The following NXPE1 variants were observed in gnomAD, a reference collection of about 807,000 sequenced individuals.
The protein encoded by NXPE1 is neurexophilin and PC-esterase domain family member 1, also known as NXPE family member 1.
NXPE1 carries 31 observed loss-of-function variants against 33.3 expected under a neutral mutation model. That is an observed-to-expected ratio of 0.93 (90% CI 0.70 to 1.26). The LOEUF (loss-of-function observed/expected upper bound fraction) is 1.26, where lower values mean the gene tolerates loss of function less well. Among genes scored for constraint, NXPE1 ranks in the 50% most tolerant of loss-of-function variants. The pLI, the probability that NXPE1 is intolerant of heterozygous loss-of-function variation, is 0.00. For missense variants in NXPE1, 661 were observed against 655.6 expected, an observed-to-expected ratio of 1.01 and a Z score of -0.09; for synonymous variants, 229 against 231.4, an observed-to-expected ratio of 0.99 and a Z score of 0.09.
Position 114,530,245 on chromosome 11 carries a change from G to GAGCCTCATGA in NXPE1, c.762_763insTCATGAGGCT (p.Leu255SerfsTer2). 3.1e-6 allele frequency: 5 copies of GAGCCTCATGA among 1,614,118 alleles called. No homozygotes were observed. The highest frequency in any genetic ancestry group is 4.2e-6 in the Non-Finnish European group (5 of 1,179,966). On this transcript the variant is annotated stop_gained and frameshift_variant, in exon 6 of 9. Coordinates refer to ENST00000534921, the Ensembl canonical transcript of NXPE1. LOFTEE classifies it high-confidence loss of function. The stretch of plus-strand genomic sequence containing the variant: ...CTATTCCGGGTGGTCATGTAGGTCA[G>GAGCCTCATGA]AGCCTCACAGGGCATGTGTTGAGGC...
At chr11:114,547,049 C>T (rs904671775) in intron 5 of NXPE1, among the ~76,000 whole-genome samples, 10 of 152,198 alleles carry the variant, frequency 6.6e-5, no homozygotes, top group African/African-American at 2.4e-4. Flanking sequence ...AGATTCTCCC[C>T]ACTCAAGGAG....
At chr11:114,529,948 A>G (rs1427287406) in intron 6 of NXPE1, 2 of 499,524 alleles carry the variant, frequency 4.0e-6, no homozygotes, top group East Asian at 6.3e-5. Flanking sequence ...ACATCTGTGA[A>G]CACATAGAAG....
At chr11:114,554,686 G>T (rs906340726) in intron 1 of NXPE1, among the ~76,000 whole-genome samples, 1 of 152,172 alleles carries the variant, frequency 6.6e-6, no homozygotes. Context: ...TTTATTAACA[G>T]TACTGTGATA....
exon 9 of NXPE1, chr11:114,522,197 T>G (rs1947230594): frequency 1.2e-6 from 2 of 1,614,104 alleles, no homozygotes; most frequent in East Asian, 2.2e-5. Context: ...AATAATCACT[T>G]TAGTGGCTGG....
At chr11:114,532,535 G>C (rs1947622209) in intron 5 of NXPE1, among the ~76,000 whole-genome samples, 1 of 152,068 alleles carries the variant, frequency 6.6e-6, no homozygotes, top group Non-Finnish European at 1.5e-5. Flanking sequence ...CACAGGCTGA[G>C]ATGCTTTTAT....
chr11:114,522,235 C>T (rs771156172), exon 9 of NXPE1: 6 of 1,614,070 alleles, frequency 3.7e-6, no homozygotes, highest in Non-Finnish European at 5.1e-6. Flanking sequence ...TTTCAATAGC[C>T]TTTTGAACAC....
chr11:114,530,554 C>G, exon 6 of NXPE1: 1 of 1,614,008 alleles, frequency 6.2e-7, no homozygotes, highest in Non-Finnish European at 8.5e-7. Context: ...TTTCCTGAAG[C>G]ACCTGCCGTC....
At chr11:114,529,061 G>A (rs1310381977) in intron 6 of NXPE1, 1 of 386,760 alleles carries the variant, frequency 2.6e-6, no homozygotes, top group African/African-American at 2.0e-5. Flanking sequence ...TGTCATGTTT[G>A]GTGCCTACTC....
chr11:114,552,774 G>A (rs1948541315), intron 2 of NXPE1, 78 bp downstream of exon 2: 9 of 526,482 alleles, frequency 1.7e-5, no homozygotes, highest in Non-Finnish European at 2.2e-5. Context: ...GATTGCTATT[G>A]CACTTTTATA....
In NXPE1 at chr11:114,522,213, T is replaced by A; in HGVS notation, c.1399A>T (p.Arg467Ter). ...ATAATCACTTTAGTGGCTGGGCTTC[T>A]TAGGAACAGTCTTTCAATAGCCTTT... The change falls in exon 9 of 9, where the codon AGA becomes TGA. Residue 467 changes from arginine to a stop codon, truncating the protein, a stop_gained. Transcript: ENST00000534921. LOFTEE classifies it low-confidence loss of function (END_TRUNC). 6.2e-7 allele frequency: 1 copy of A among 1,614,094 alleles called. No homozygotes were observed. Among genetic ancestry groups the A allele is most frequent in the Non-Finnish European group, 8.5e-7 (1 of 1,179,984 alleles).
exon 9 of NXPE1, chr11:114,521,779 C>A: frequency 1.8e-6 from 1 of 543,526 alleles, no homozygotes; most frequent in South Asian, 3.1e-5. Flanking sequence ...TATAGTCATT[C>A]TTCATGAATG....
intron 5 of NXPE1, among the ~76,000 whole-genome samples, chr11:114,543,261 CAGG>C (rs1423232828): frequency 6.6e-6 from 1 of 152,082 alleles, no homozygotes; most frequent in African/African-American, 2.4e-5. Flanking sequence ...GAGGCTGAGG[CAGG>C]AGAATTGCTT....
chr11:114,526,334 A>G lies in NXPE1; in HGVS notation c.895+1506T>C, dbSNP rs181096324. 1.7e-3 allele frequency among the ~76,000 whole-genome samples: 259 copies of G among 152,352 alleles called. 4 individuals are homozygous for G. Among genetic ancestry groups the G allele is most frequent in the South Asian group, 7.0e-3 (34 of 4,826 alleles). ...ATTATAGCAGCAATAAGAAAATGAT[A>G]CATAGACAACTGACATTCTTTTAAA... On this transcript the variant is annotated intron_variant, in intron 7 of 8. Coordinates refer to ENST00000534921, the Ensembl canonical transcript of NXPE1.
chr11:114,554,403 A>G, intron 1 of NXPE1: 5 of 984,958 alleles, frequency 5.1e-6, no homozygotes, highest in Non-Finnish European at 6.0e-6. Context: ...ACAATATTCC[A>G]GAACAGGGGG....
rs190373342 is a variant in NXPE1 at position 114,539,339 on chromosome 11, C to T, written c.100-8431G>A. 3.0e-3 allele frequency among the ~76,000 whole-genome samples: 463 copies of T among 151,898 alleles called. 1 individual carries two copies. The highest frequency in any genetic ancestry group is 0.01 in the African/African-American group (429 of 41,384). On this transcript the variant is annotated intron_variant, in intron 5 of 8. Coordinates refer to ENST00000534921, the Ensembl canonical transcript of NXPE1. ...AGGAGATATACCTATTGCTAAATGA[C>T]GAGTTAATGGGTGCAGCACACCAAC...
intron 1 of NXPE1, chr11:114,554,002 A>C: frequency 1.0e-6 from 1 of 985,396 alleles, no homozygotes; most frequent in Non-Finnish European, 1.2e-6. Flanking sequence ...GTCCAATTGC[A>C]ATGTTTTTTC....
At chr11:114,523,834 G>C (rs554790192) in intron 7 of NXPE1, among the ~76,000 whole-genome samples, 1 of 152,164 alleles carries the variant, frequency 6.6e-6, no homozygotes, top group Non-Finnish European at 1.5e-5. Flanking sequence ...CCAATGCCTT[G>C]TATTTTAGGA....
Position 114,543,906 on chromosome 11 carries a change from T to C in NXPE1, c.99+7197A>G, listed in dbSNP as rs929164888. Among the ~76,000 whole-genome samples the C allele has an allele frequency of 3.9e-5, 6 of 152,310 alleles. No homozygotes were observed. The East Asian group carries it at 1.2e-3, about 29-fold the overall frequency. On this transcript the variant is annotated intron_variant, in intron 5 of 8. Coordinates refer to ENST00000534921, the Ensembl canonical transcript of NXPE1. ...CAAGGTTTCAGGACACAAGTCAATA[T>C]ATAAAATTTAATTGTTTTGCTATAT...
At chr11:114,557,395 CCATTTA>C (rs915648792) in intron 1 of NXPE1, among the ~76,000 whole-genome samples, 1 of 151,820 alleles carries the variant, frequency 6.6e-6, no homozygotes, top group African/African-American at 2.4e-5. Context: ...AAACTGTACT[CCATTTA>C]CATTTAACTC....
Sources: allele counts gnomAD v4.1 joint callset (sites outside exome capture counted in the v4.1 genomes callset), GRCh38; gene constraint gnomAD v4.1.1; transcripts MANE v1.5; gene names NCBI Gene and HGNC (gene_info 2026-07-23, HGNC 2026-07-21).